Variants in VRK1 observed in about 807,000 individuals in gnomAD.
The protein encoded by VRK1 is serine/threonine-protein kinase VRK1.
In VRK1, 33 loss-of-function variants were observed where a neutral mutation model predicts 57.1. That is an observed-to-expected ratio of 0.58 (90% CI 0.44 to 0.77). The LOEUF (loss-of-function observed/expected upper bound fraction) is 0.77. Ranked by LOEUF, VRK1 falls within the 30% of genes least tolerant of loss-of-function variation. The probability of loss-of-function intolerance (pLI) is 0.00; values close to 1 mark genes in which losing one functional copy is unlikely to be tolerated. For missense variants in VRK1, 413 were observed against 477.3 expected (o/e 0.87, Z 1.25); for synonymous variants, 137 against 147.8 (o/e 0.93, Z 0.53).
chr14:96,814,371 A>G (rs1010165464), intron 1 of VRK1, among the ~76,000 whole-genome samples: 1 of 152,210 alleles, frequency 6.6e-6, no homozygotes, highest in African/African-American at 2.4e-5. Flanking sequence ...GGCAGTTGAC[A>G]GGGCTGACTG....
intron 5 of VRK1, among the ~76,000 whole-genome samples, chr14:96,848,040 G>T (rs1247382425): frequency 1.3e-5 from 2 of 152,124 alleles, no homozygotes; most frequent in African/African-American, 2.4e-5. Flanking sequence ...GAGACTTGAC[G>T]GGTAGATTTA....
At chr14:96,808,002 C>CCTCTCTCCCTCTCTCCGTCTCTCTCT (rs149250994) in intron 1 of VRK1, among the ~76,000 whole-genome samples, 1 of 118,138 alleles carries the variant, frequency 8.5e-6, no homozygotes, top group African/African-American at 3.6e-5. Flanking sequence ...TCCCTCTCTC[C>CCTCTCTCCCTCTCTCCGTCTCTCTCT]CTCTCTCTCT....
intron 11 of VRK1, among the ~76,000 whole-genome samples, chr14:96,864,006 A>G (rs901411175): frequency 2.0e-5 from 3 of 152,186 alleles, no homozygotes; most frequent in Non-Finnish European, 4.4e-5. Context: ...TTTGGTGAAA[A>G]TCTATCTAGC....
intron 11 of VRK1, among the ~76,000 whole-genome samples, chr14:96,864,353 A>G (rs1472415161): frequency 3.3e-5 from 5 of 152,174 alleles, no homozygotes; most frequent in Admixed American, 1.3e-4. Flanking sequence ...TAGTTTTGCA[A>G]TTTTTGGGGA....
At chr14:96,813,656 G>A (rs1338679946) in intron 1 of VRK1, among the ~76,000 whole-genome samples, 1 of 152,080 alleles carries the variant, frequency 6.6e-6, no homozygotes, top group East Asian at 1.9e-4. Context: ...CATGGGATAT[G>A]TATTTATAGT....
intron 1 of VRK1, among the ~76,000 whole-genome samples, chr14:96,797,886 G>T (rs1480971218): frequency 2.0e-5 from 3 of 152,248 alleles, no homozygotes; most frequent in Non-Finnish European, 4.4e-5. Flanking sequence ...ACGCAGCTGC[G>T]ATGTTTTGCG....
chr14:96,810,097 A>G (rs1886112802), intron 1 of VRK1, among the ~76,000 whole-genome samples: 1 of 152,156 alleles, frequency 6.6e-6, no homozygotes, highest in African/African-American at 2.4e-5. Context: ...ACTTCTTCAT[A>G]TGCTTGTTGG....
chr14:96,875,339 C>T (rs892437544), intron 11 of VRK1, among the ~76,000 whole-genome samples: 17 of 152,116 alleles, frequency 1.1e-4, no homozygotes, highest in Admixed American at 1.1e-3. Context: ...AATAACACTT[C>T]ACTAGAAAAA....
At chr14:96,879,679 A>C (rs1403054684) in intron 12 of VRK1, among the ~76,000 whole-genome samples, 1 of 152,092 alleles carries the variant, frequency 6.6e-6, no homozygotes, top group Non-Finnish European at 1.5e-5. Flanking sequence ...TTGTAATGCC[A>C]GCAGTTTGGG....
intron 1 of VRK1, among the ~76,000 whole-genome samples, chr14:96,832,157 A>G (rs1731573800): frequency 6.6e-6 from 1 of 152,196 alleles, no homozygotes; most frequent in African/African-American, 2.4e-5. Context: ...GAACATTTTC[A>G]GATAAGGAGT....
At chr14:96,809,552 T>C (rs1886080778) in intron 1 of VRK1, among the ~76,000 whole-genome samples, 1 of 148,788 alleles carries the variant, frequency 6.7e-6, no homozygotes, top group Middle Eastern at 3.5e-3. Flanking sequence ...GCATCTAGCT[T>C]GCTTGCTTGC....
Position 96,815,823 on chromosome 14 carries a change from G to A in VRK1, c.-5-17644G>A, listed in dbSNP as rs143449676. Among the ~76,000 whole-genome samples the A allele has an allele frequency of 3.4e-3, 512 of 152,028 alleles. 1 individual carries two copies. The highest frequency in any genetic ancestry group is 5.2e-3 in the Admixed American group (79 of 15,266). On this transcript the variant is annotated intron_variant, in intron 1 of 12. Coordinates refer to ENST00000216639, the MANE Select transcript of VRK1 (RefSeq NM_003384.3). ...TGAGGTGGGAGGATTGCTTAGGGCC[G>A]AGGCTGCAGTGAGCCATGATTCTGC... is the stretch of plus-strand genomic sequence containing the variant.
intron 1 of VRK1, among the ~76,000 whole-genome samples, chr14:96,811,518 A>G (rs572578305): frequency 6.6e-6 from 1 of 152,310 alleles, no homozygotes; most frequent in Admixed American, 6.5e-5. Flanking sequence ...TCTCTCTTCC[A>G]TCTTGGAAAG....
At chr14:96,872,695 C>T (rs1888870567) in intron 11 of VRK1, among the ~76,000 whole-genome samples, 2 of 152,024 alleles carry the variant, frequency 1.3e-5, no homozygotes, top group African/African-American at 2.4e-5. Context: ...GGCTTTTTTC[C>T]GTCCCTAGCT....
Position 96,881,265 on chromosome 14 carries a change from T to C in VRK1, c.*57T>C. 1 of 1,490,338 alleles carries C rather than the reference T, an allele frequency of 6.7e-7. No individual in the cohort carries two copies. Among genetic ancestry groups the C allele is most frequent in the African/African-American group, 1.4e-5 (1 of 72,354 alleles). 92.3% of individuals were successfully genotyped at this position (1,490,338 alleles called of 1,614,324 possible). On this transcript the variant is annotated 3_prime_UTR_variant, in exon 13 of 13. Coordinates refer to ENST00000216639, the MANE Select transcript of VRK1 (RefSeq NM_003384.3). The stretch of plus-strand genomic sequence containing the variant: ...TTGTTTTCTTTTGACTTTTTTCTCC[T>C]TTTCTATTTGAACTGTTTTATTTTC...
At chr14:96,803,191 G>T in intron 1 of VRK1, among the ~76,000 whole-genome samples, 1 of 143,864 alleles carries the variant, frequency 7.0e-6, no homozygotes, top group Non-Finnish European at 1.5e-5. Flanking sequence ...TTTTTTTTGA[G>T]GCAGGTCTCT....
chr14:96,838,596 C>T (rs1887317112), intron 3 of VRK1, among the ~76,000 whole-genome samples: 1 of 152,068 alleles, frequency 6.6e-6, no homozygotes, highest in African/African-American at 2.4e-5. Context: ...TATTAGGGTT[C>T]TCTAGAGGGA....
intron 4 of VRK1, 69 bp from the exon 5 acceptor site, chr14:96,847,188 A>G (rs966015141): frequency 5.4e-6 from 7 of 1,305,468 alleles, no homozygotes; most frequent in Middle Eastern, 3.7e-4. Context: ...TTTTGCTCTT[A>G]ATGATTTTTT....
intron 1 of VRK1, among the ~76,000 whole-genome samples, chr14:96,810,821 ATC>A (rs1886162264): frequency 6.6e-6 from 1 of 152,186 alleles, no homozygotes; most frequent in South Asian, 2.1e-4. Flanking sequence ...TATTCATAAC[ATC>A]TCCCAGCTTT....
Sources: allele counts gnomAD v4.1 joint callset (sites outside exome capture counted in the v4.1 genomes callset), GRCh38; gene constraint gnomAD v4.1.1; transcripts MANE v1.5; gene names NCBI Gene and HGNC (gene_info 2026-07-23, HGNC 2026-07-21).